NRXN3: variants seen among roughly 807,000 people sequenced by gnomAD.
NRXN3 encodes neurexin III.
A neutral mutation model predicts 137.6 loss-of-function variants in NRXN3; 32 were observed. The observed-to-expected ratio is 0.23, with a 90% CI of 0.18 to 0.31. The LOEUF (loss-of-function observed/expected upper bound fraction) is 0.31, where lower values mean the gene tolerates loss of function less well. NRXN3 is among the 10% of genes least tolerant of loss of function. The pLI is 1.00. For missense variants in NRXN3, 1,574 were observed against 2,062.5 expected, an observed-to-expected ratio of 0.76 and a Z score of 4.59; for synonymous variants, 798 against 784.5, an observed-to-expected ratio of 1.02 and a Z score of -0.29.
At position 79,571,092 on chromosome 14, in the gene NRXN3, C is replaced by T. The variant is rs558383498; in HGVS notation, c.3445-92686C>T. ...TATGACAATCCTCATTTAAACTCAT[C>T]AGGGACCATTGATAAAATGCTATTC... is the stretch of plus-strand genomic sequence containing the variant. On this transcript the variant is annotated intron_variant, in intron 16 of 20. Coordinates refer to ENST00000335750, the MANE Select transcript of NRXN3 (RefSeq NM_001330195.2). 2.0e-5 allele frequency among the ~76,000 whole-genome samples: 3 copies of T among 152,252 alleles called. No homozygotes were observed. In the South Asian group the frequency reaches 6.2e-4, roughly 32 times the overall value.
At chr14:78,344,565 C>T (rs532797534) in intron 4 of NRXN3, among the ~76,000 whole-genome samples, 25 of 152,226 alleles carry the variant, frequency 1.6e-4, no homozygotes, top group Non-Finnish European at 1.9e-4. Context: ...CGGGCTACCA[C>T]TGGCATTCAG....
chr14:78,558,270 A>G (rs553153023), intron 4 of NRXN3, among the ~76,000 whole-genome samples: 1 of 152,340 alleles, frequency 6.6e-6, no homozygotes, highest in East Asian at 1.9e-4. Flanking sequence ...CAACAGCTTC[A>G]TGACCATCCT....
chr14:78,310,260 CTTTT>C (rs201314931), intron 4 of NRXN3, among the ~76,000 whole-genome samples: 5 of 125,700 alleles, frequency 4.0e-5, no homozygotes, highest in East Asian at 4.4e-4. Flanking sequence ...TTATGAATGG[CTTTT>C]TTTTTTTTTT....
intron 15 of NRXN3, among the ~76,000 whole-genome samples, chr14:79,336,007 A>G (rs2092234019): frequency 6.6e-6 from 1 of 152,164 alleles, no homozygotes; most frequent in African/African-American, 2.4e-5. Flanking sequence ...ATCTGCATCA[A>G]TTCAGACAGT....
chr14:78,183,531 G>A (rs770059557), intron 1 of NRXN3, among the ~76,000 whole-genome samples: 8 of 152,172 alleles, frequency 5.3e-5, no homozygotes, highest in Non-Finnish European at 8.8e-5. Context: ...TGTGTCAATG[G>A]GGCATGATAA....
chr14:78,282,714 C>T (rs2074577295), intron 3 of NRXN3, among the ~76,000 whole-genome samples: 1 of 152,190 alleles, frequency 6.6e-6, no homozygotes, highest in African/African-American at 2.4e-5. Flanking sequence ...TTGTGTTCCT[C>T]CTCCATTGTA....
chr14:78,799,002 G>A (rs1401645314), intron 8 of NRXN3, among the ~76,000 whole-genome samples: 2 of 152,174 alleles, frequency 1.3e-5, no homozygotes, highest in African/African-American at 4.8e-5. Context: ...ACCTGCAGTT[G>A]GAGAGGCTGC....
intron 15 of NRXN3, among the ~76,000 whole-genome samples, chr14:79,416,107 G>A (rs1482690025): frequency 6.6e-6 from 1 of 152,066 alleles, no homozygotes; most frequent in Non-Finnish European, 1.5e-5. Context: ...CCAAATGTCT[G>A]TATTTTTTAA....
chr14:78,208,744 A>G (rs1300939509), intron 1 of NRXN3, among the ~76,000 whole-genome samples: 1 of 152,150 alleles, frequency 6.6e-6, no homozygotes, highest in Non-Finnish European at 1.5e-5. Flanking sequence ...CTACTTGATG[A>G]GGCTATGTGA....
At chr14:78,989,080 A>G (rs2099513268) in intron 15 of NRXN3, among the ~76,000 whole-genome samples, 1 of 152,196 alleles carries the variant, frequency 6.6e-6, no homozygotes, top group African/African-American at 2.4e-5. Context: ...AACCGTGGCA[A>G]AGAGATTTGT....
chr14:79,154,299 A>T (rs992699017), intron 15 of NRXN3, among the ~76,000 whole-genome samples: 3 of 151,932 alleles, frequency 2.0e-5, no homozygotes, highest in African/African-American at 7.2e-5. Context: ...GAGGGCAGAG[A>T]CTATGACATA....
intron 15 of NRXN3, among the ~76,000 whole-genome samples, chr14:79,442,321 C>A (rs990303670): frequency 6.6e-6 from 1 of 152,042 alleles, no homozygotes; most frequent in South Asian, 2.1e-4. Flanking sequence ...TTTGGAGAGA[C>A]AAAACTAAGC....
intron 15 of NRXN3, among the ~76,000 whole-genome samples, chr14:79,286,253 A>T (rs1414035950): frequency 6.6e-6 from 1 of 152,074 alleles, no homozygotes; most frequent in African/African-American, 2.4e-5. Flanking sequence ...TCCTTTATGA[A>T]CTACAGTTGT....
At chr14:78,836,643 A>G (rs1226684476) in intron 10 of NRXN3, among the ~76,000 whole-genome samples, 1 of 152,234 alleles carries the variant, frequency 6.6e-6, no homozygotes, top group African/African-American at 2.4e-5. Flanking sequence ...AAAATAAAAC[A>G]GCATAACCTG....
chr14:79,358,607 G>GAAAGATAAAGAA lies in NRXN3; in HGVS notation c.3263-108613_3263-108612insAAGATAAAGAAA, dbSNP rs10667477. 9.3e-4 allele frequency among the ~76,000 whole-genome samples: 74 copies of GAAAGATAAAGAA among 79,984 alleles called. 1 individual carries two copies. The highest frequency in any genetic ancestry group is 1.4e-3 in the Non-Finnish European group (53 of 39,158). 52.5% of individuals were successfully genotyped at this position (79,984 alleles called of 152,430 possible). On this transcript the variant is annotated intron_variant, in intron 15 of 20. Transcript: ENST00000335750. ...AGAGAGAAAGAAAGAAAGAAAGAAA[G>GAAAGATAAAGAA]AGAAAGAAAGAAAGAAAGAAAGAAA...
At chr14:79,060,772 C>CT (rs905274655) in intron 15 of NRXN3, among the ~76,000 whole-genome samples, 4 of 151,512 alleles carry the variant, frequency 2.6e-5, no homozygotes, top group Admixed American at 6.6e-5. Context: ...ATTCCTCCCT[C>CT]TTTTTTTTTC....
At chr14:78,913,142 C>G (rs1159741168) in intron 10 of NRXN3, among the ~76,000 whole-genome samples, 3 of 151,936 alleles carry the variant, frequency 2.0e-5, no homozygotes, top group Non-Finnish European at 4.4e-5. Context: ...AAGTACAGGT[C>G]GGAAAGTAAG....
At chr14:79,236,762 A>G (rs575923285) in intron 15 of NRXN3, among the ~76,000 whole-genome samples, 1 of 152,140 alleles carries the variant, frequency 6.6e-6, no homozygotes, top group Non-Finnish European at 1.5e-5. Flanking sequence ...AAAAATTTTT[A>G]TAATTAGCCA....
At chr14:79,517,666 AT>A (rs35508093) in intron 16 of NRXN3, among the ~76,000 whole-genome samples, 70,234 of 151,398 alleles carry the variant, frequency 0.46, 20,539 homozygotes, top group Admixed American at 0.64. Flanking sequence ...CAAATTTAAT[AT>A]TTTTTTTCAG....
Sources: allele counts gnomAD v4.1 joint callset (sites outside exome capture counted in the v4.1 genomes callset), GRCh38; gene constraint gnomAD v4.1.1; transcripts MANE v1.5; gene names NCBI Gene and HGNC (gene_info 2026-07-23, HGNC 2026-07-21).